The following ROBO1 variants were observed in gnomAD, a reference collection of about 807,000 sequenced individuals.
ROBO1 encodes roundabout guidance receptor 1.
Under a neutral mutation model 195.9 loss-of-function variants are expected in ROBO1, and 149 were observed. The observed-to-expected ratio is 0.76, with a 90% CI of 0.67 to 0.87. The LOEUF (loss-of-function observed/expected upper bound fraction) is 0.87, where lower values mean the gene tolerates loss of function less well. Ranked by LOEUF, ROBO1 falls within the 40% of genes least tolerant of loss-of-function variation. The probability of loss-of-function intolerance (pLI) is 0.00; values close to 1 mark genes in which losing one functional copy is unlikely to be tolerated. For synonymous variants in ROBO1, 816 were observed against 733.2 expected, an observed-to-expected ratio of 1.11 and a Z score of -1.82; for missense variants, 1,933 against 2,068.3, an observed-to-expected ratio of 0.93 and a Z score of 1.27.
chr3:78,915,483 TATAAC>T (rs1283314384), intron 4 of ROBO1, among the ~76,000 whole-genome samples: 3 of 152,192 alleles, frequency 2.0e-5, no homozygotes, highest in Admixed American at 6.5e-5. Flanking sequence ...TTTTATCTGA[TATAAC>T]ATATTTCCAG....
chr3:78,740,309 T>C (rs1400690920), intron 5 of ROBO1, among the ~76,000 whole-genome samples: 1 of 150,032 alleles, frequency 6.7e-6, no homozygotes, highest in African/African-American at 2.5e-5. Context: ...AGCAAGTTCT[T>C]AATATGCAAT....
intron 2 of ROBO1, among the ~76,000 whole-genome samples, chr3:79,460,221 A>C (rs930194172): frequency 2.0e-5 from 3 of 152,160 alleles, no homozygotes; most frequent in African/African-American, 7.2e-5. Flanking sequence ...GATAAATGTA[A>C]TATATACTTC....
At chr3:79,260,367 TA>T (rs2082917260) in intron 2 of ROBO1, among the ~76,000 whole-genome samples, 1 of 152,056 alleles carries the variant, frequency 6.6e-6, no homozygotes, top group Non-Finnish European at 1.5e-5. Context: ...TAATGTATTC[TA>T]AATAGATATA....
At chr3:78,965,347 C>T (rs888122726) in intron 3 of ROBO1, among the ~76,000 whole-genome samples, 1 of 152,200 alleles carries the variant, frequency 6.6e-6, no homozygotes, top group East Asian at 1.9e-4. Flanking sequence ...TACACAGCAT[C>T]CAATGGAATG....
At chr3:79,745,774 G>T (rs905824371) in intron 1 of ROBO1, among the ~76,000 whole-genome samples, 1 of 152,082 alleles carries the variant, frequency 6.6e-6, no homozygotes, top group East Asian at 1.9e-4. Context: ...AAGGAAATAA[G>T]TTAGTTCATT....
chr3:78,956,842 T>G (rs1360912022), intron 3 of ROBO1, among the ~76,000 whole-genome samples: 1 of 152,136 alleles, frequency 6.6e-6, no homozygotes, highest in Non-Finnish European at 1.5e-5. Flanking sequence ...GGCTGGAAGC[T>G]CTCCTTAAAT....
intron 2 of ROBO1, among the ~76,000 whole-genome samples, chr3:79,295,774 A>T (rs1244508217): frequency 1.3e-5 from 2 of 152,164 alleles, no homozygotes; most frequent in Non-Finnish European, 2.9e-5. Flanking sequence ...GATAACAAAC[A>T]TGTAAATCTC....
At chr3:79,722,351 T>C (rs1021691166) in intron 1 of ROBO1, among the ~76,000 whole-genome samples, 12 of 152,228 alleles carry the variant, frequency 7.9e-5, no homozygotes, top group Non-Finnish European at 1.6e-4. Context: ...GCTATCATTT[T>C]ATTGTGTTCC....
chr3:78,727,806 T>C (rs536916320), intron 5 of ROBO1, among the ~76,000 whole-genome samples: 14 of 152,242 alleles, frequency 9.2e-5, no homozygotes, highest in East Asian at 1.9e-4. Context: ...TCAAAAATCA[T>C]TGATAGAGAG....
intron 3 of ROBO1, among the ~76,000 whole-genome samples, chr3:78,983,752 T>C (rs2077047385): frequency 6.6e-6 from 1 of 152,200 alleles, no homozygotes; most frequent in Admixed American, 6.5e-5. Context: ...CACTGTCACC[T>C]ATAAATACAA....
At chr3:79,048,437 G>A (rs1300669372) in intron 3 of ROBO1, among the ~76,000 whole-genome samples, 2 of 151,872 alleles carry the variant, frequency 1.3e-5, no homozygotes, top group Non-Finnish European at 2.9e-5. Flanking sequence ...TCTCTAACAG[G>A]CATTTGCCGT....
intron 2 of ROBO1, among the ~76,000 whole-genome samples, chr3:79,235,835 T>A (rs1451967743): frequency 6.6e-6 from 1 of 152,142 alleles, no homozygotes; most frequent in Non-Finnish European, 1.5e-5. Flanking sequence ...TACAAAAAGA[T>A]TTTTTGCAGT....
chr3:79,124,849 A>G lies in ROBO1; in HGVS notation c.172+607T>C, dbSNP rs1221932689. ...ATGTGACACATATATTTCCAGGGTG[A>G]TCATTCTTAAACATTTATATATCAA... On this transcript the variant is annotated intron_variant, in intron 3 of 30. Transcript: ENST00000464233. 5.3e-5 allele frequency among the ~76,000 whole-genome samples: 8 copies of G among 152,300 alleles called. No homozygotes were observed. In the East Asian group the frequency reaches 1.5e-3, roughly 29 times the overall value.
intron 2 of ROBO1, among the ~76,000 whole-genome samples, chr3:79,341,748 A>C (rs1479919153): frequency 6.6e-6 from 1 of 152,022 alleles, no homozygotes; most frequent in East Asian, 1.9e-4. Flanking sequence ...TTTTCCATAT[A>C]TTTTTCCATT....
rs150494715 is a variant in ROBO1 at position 79,176,867 on chromosome 3, A to T, written c.89-51328T>A. Among the ~76,000 whole-genome samples, 488 of 152,328 alleles carry T rather than the reference A, an allele frequency of 3.2e-3. 2 individuals are homozygous for T. The highest frequency in any genetic ancestry group is 0.011 in the African/African-American group (469 of 41,572). On this transcript the variant is annotated intron_variant, in intron 2 of 30. Coordinates refer to ENST00000464233, the MANE Select transcript of ROBO1 (RefSeq NM_002941.4). ...GTATTATATTGTCAATGGATAGAATATGAAGTCTTATTATTAAATGTAAAC... is the reference window on the plus strand; with the variant it reads ...GTATTATATTGTCAATGGATAGAATTTGAAGTCTTATTATTAAATGTAAAC...
chr3:78,722,494 GC>G (rs779239787), intron 5 of ROBO1, among the ~76,000 whole-genome samples: 2 of 151,956 alleles, frequency 1.3e-5, no homozygotes, highest in African/African-American at 2.4e-5. Context: ...ACAAATCAAG[GC>G]CTGAAAAATA....
intron 4 of ROBO1, among the ~76,000 whole-genome samples, chr3:78,921,291 A>C (rs775740500): frequency 1.5e-4 from 23 of 152,268 alleles, no homozygotes; most frequent in Non-Finnish European, 2.8e-4. Context: ...AAATCACAGT[A>C]TTTTTCTTCC....
chr3:79,532,863 A>G (rs1207984842), intron 2 of ROBO1, among the ~76,000 whole-genome samples: 1 of 152,142 alleles, frequency 6.6e-6, no homozygotes, highest in Non-Finnish European at 1.5e-5. Flanking sequence ...CTCACTTCAC[A>G]TCCTACACTG....
At chr3:79,650,555 A>G (rs1945973795) in intron 1 of ROBO1, among the ~76,000 whole-genome samples, 1 of 151,776 alleles carries the variant, frequency 6.6e-6, no homozygotes, top group African/African-American at 2.4e-5. Flanking sequence ...TCCAGTATAA[A>G]TTTATGATTA....
Sources: allele counts gnomAD v4.1 joint callset (sites outside exome capture counted in the v4.1 genomes callset), GRCh38; gene constraint gnomAD v4.1.1; transcripts MANE v1.5; gene names NCBI Gene and HGNC (gene_info 2026-07-23, HGNC 2026-07-21).